ARMH1: variants seen among roughly 807,000 people sequenced by gnomAD.
ARMH1 encodes the protein armadillo-like helical domain containing protein 1.
ARMH1 carries 34 observed loss-of-function variants against 50.2 expected under a neutral mutation model. The observed-to-expected ratio is 0.68, with a 90% CI of 0.51 to 0.90. ARMH1 has a LOEUF of 0.90. ARMH1 is among the 40% of genes least tolerant of loss of function. The pLI is 0.00. For missense variants in ARMH1, 538 were observed against 553.9 expected, an observed-to-expected ratio of 0.97 and a Z score of 0.29; for synonymous variants, 221 against 224.2, an observed-to-expected ratio of 0.99 and a Z score of 0.13.
intron 6 of ARMH1, among the ~76,000 whole-genome samples, chr1:44,705,759 C>T (rs1043112927): frequency 6.6e-6 from 1 of 152,082 alleles, no homozygotes; most frequent in Non-Finnish European, 1.5e-5. Context: ...GATATAATTT[C>T]CTTCCCTTTC....
At chr1:44,720,739 AAAG>A (rs1373598917) in intron 6 of ARMH1, among the ~76,000 whole-genome samples, 2 of 152,148 alleles carry the variant, frequency 1.3e-5, no homozygotes, top group African/African-American at 2.4e-5. Context: ...ATAGCCAGAT[AAAG>A]AAGACTTCTC....
chr1:44,692,066 T>C (rs1321703), intron 2 of ARMH1, among the ~76,000 whole-genome samples: 5,866 of 152,222 alleles, frequency 0.039, 232 homozygotes, highest in Admixed American at 0.083. Context: ...TATATTTCTG[T>C]CCTTGCCTGA....
intron 6 of ARMH1, among the ~76,000 whole-genome samples, chr1:44,713,097 CTTTTT>C (rs538780455): frequency 1.7e-5 from 2 of 118,856 alleles, no homozygotes; most frequent in African/African-American, 3.2e-5. Flanking sequence ...TGCGCCCGGC[CTTTTT>C]TTTTTTTTTT....
chr1:44,695,222 G>C (rs1431593189), intron 2 of ARMH1, among the ~76,000 whole-genome samples: 1 of 152,204 alleles, frequency 6.6e-6, no homozygotes, highest in African/African-American at 2.4e-5. Flanking sequence ...TTATTGACCT[G>C]AGATTGTTAC....
Position 44,701,010 on chromosome 1 carries a change from A to C in ARMH1, c.530A>C (p.His177Pro), listed in dbSNP as rs1014296825. The change falls in exon 5 of 12, where the codon CAC becomes CCC. Residue 177 changes from histidine (H) to proline (P), a missense_variant. His to Pro is a moderately conservative substitution (Grantham distance 77, BLOSUM62 -2). Transcript: ENST00000535358. Reference sequence around the variant, plus strand: ...CAGGTTCTGTTGGATTCTTTGGTCCACGGCAATCCCAAGTACCAAAATCAA... The same window carrying C: ...CAGGTTCTGTTGGATTCTTTGGTCCCCGGCAATCCCAAGTACCAAAATCAA... ...EVQVLLDSLVHGNPKYQNQVY... is the reference protein window; with the variant it reads ...EVQVLLDSLVPGNPKYQNQVY... 22 of 1,551,576 alleles carry C rather than the reference A, an allele frequency of 1.4e-5. No homozygotes were observed. Among genetic ancestry groups the C allele is most frequent in the Non-Finnish European group, 1.8e-5 (21 of 1,147,014 alleles).
At position 44,724,593 on chromosome 1, in the gene ARMH1, G is replaced by A; in HGVS notation, c.975G>A (p.Val325=). Residue 325 remains valine, a synonymous_variant, in exon 9 of 12, where the codon GTG becomes GTA. Transcript: ENST00000535358. The surrounding 1 kb of genome is among the most constrained non-coding windows in gnomAD (Gnocchi z 6.4). ...CCGAGGAGCTGCTGTACCTGCGCGTGGTGCGTGGCCTAATGGCCGCCATGG... is the reference window on the plus strand; with the variant it reads ...CCGAGGAGCTGCTGTACCTGCGCGTAGTGCGTGGCCTAATGGCCGCCATGG... ...SIAEELLYLR[V]VRGLMAAMGN... is the part of the protein sequence containing the mutation. 6.6e-7 allele frequency: 1 copy of A among 1,518,336 alleles called. No individual in the cohort carries two copies. 94.1% of individuals were successfully genotyped at this position (1,518,336 alleles called of 1,614,324 possible).
intron 1 of ARMH1, 34 bp from the exon 2 acceptor site, chr1:44,689,642 T>C: frequency 1.4e-6 from 2 of 1,477,834 alleles, no homozygotes; most frequent in Non-Finnish European, 1.8e-6. Context: ...TTCTAAACAT[T>C]CCGGTAACCT....
At chr1:44,712,011 G>A (rs995432108) in intron 6 of ARMH1, among the ~76,000 whole-genome samples, 8 of 152,144 alleles carry the variant, frequency 5.3e-5, no homozygotes, top group African/African-American at 1.7e-4. Flanking sequence ...TGCCTCCTGC[G>A]CCCATCCCCT....
chr1:44,724,221 A>G lies in ARMH1; in HGVS notation c.824A>G (p.Lys275Arg). The change falls in exon 7 of 12, where the codon AAA becomes AGA. Residue 275 changes from lysine to arginine, a missense_variant. By Grantham distance (26) the Lys-to-Arg change is conservative. Transcript: ENST00000535358. This position sits in a 1 kb window ranked among gnomAD's most constrained non-coding sequence, Gnocchi z 6.4. ...ATACCGTCGGTCAAGGAGATCTCCAAACTGCAGGCCAAGATCCTCAGTGGT... is the reference window on the plus strand; with the variant it reads ...ATACCGTCGGTCAAGGAGATCTCCAGACTGCAGGCCAAGATCCTCAGTGGT... The part of the protein sequence containing the change: ...LLIPSVKEIS[K>R]LQAKILSDPS... 3 of 1,551,670 alleles carry G rather than the reference A, an allele frequency of 1.9e-6. No homozygotes were observed. Among genetic ancestry groups the G allele is most frequent in the Non-Finnish European group, 2.6e-6 (3 of 1,146,964 alleles).
rs551557977 is a variant in ARMH1, at chr1:44,681,787, A to G, written c.-23+6914A>G. Among the ~76,000 whole-genome samples the G allele has an allele frequency of 6.6e-6, 1 of 152,314 alleles. No homozygotes were observed. Among genetic ancestry groups the G allele is most frequent in the African/African-American group, 2.4e-5 (1 of 41,566 alleles). ...GAATAGATGGAAGAGGTGGGAAGGT[A>G]AGGAGCTTGGAATTGTAGACTTCAT... On this transcript the variant is annotated intron_variant, in intron 1 of 11. Coordinates refer to ENST00000535358, the MANE Select transcript of ARMH1 (RefSeq NM_001145636.2). The surrounding 1 kb of genome is among the most constrained non-coding windows in gnomAD (Gnocchi z 4.3).
chr1:44,696,615 G>A (rs1343786776), intron 2 of ARMH1, among the ~76,000 whole-genome samples: 2 of 152,234 alleles, frequency 1.3e-5, no homozygotes, highest in East Asian at 3.9e-4. Flanking sequence ...TTCTTATTAG[G>A]AAGCCAATTC....
chr1:44,714,879 G>T (rs142174475), intron 6 of ARMH1, among the ~76,000 whole-genome samples: 2 of 151,752 alleles, frequency 1.3e-5, no homozygotes, highest in East Asian at 1.9e-4. Flanking sequence ...GACTGTCCCC[G>T]GCCTTTTTTC....
intron 6 of ARMH1, among the ~76,000 whole-genome samples, chr1:44,717,113 T>A (rs1646885441): frequency 6.6e-6 from 1 of 152,164 alleles, no homozygotes; most frequent in Non-Finnish European, 1.5e-5. Context: ...CCTCCCAAAG[T>A]GCTGGGATTA....
chr1:44,683,970 C>T lies in ARMH1; in HGVS notation c.-22-5706C>T, dbSNP rs1174305381. Reference sequence around the variant, plus strand: ...GAGTTTGAGATCAGCCTAGGCAACACAGAGAGACCCCATCTCTATAAACAA... The same window carrying T: ...GAGTTTGAGATCAGCCTAGGCAACATAGAGAGACCCCATCTCTATAAACAA... On this transcript the variant is annotated intron_variant, in intron 1 of 11. Transcript: ENST00000535358. The surrounding 1 kb of genome is among the most constrained non-coding windows in gnomAD (Gnocchi z 4.2). Among the ~76,000 whole-genome samples the T allele has an allele frequency of 2.0e-5, 3 of 152,044 alleles. No homozygotes were observed. The highest frequency in any genetic ancestry group is 4.4e-5 in the Non-Finnish European group (3 of 68,010).
At chr1:44,711,817 G>A (rs1646626900) in intron 6 of ARMH1, among the ~76,000 whole-genome samples, 1 of 152,192 alleles carries the variant, frequency 6.6e-6, no homozygotes, top group Non-Finnish European at 1.5e-5. Flanking sequence ...AACAATGACT[G>A]TGTGCCCAGC....
intron 6 of ARMH1, among the ~76,000 whole-genome samples, chr1:44,707,784 A>G (rs1646409367): frequency 6.6e-6 from 1 of 152,246 alleles, no homozygotes. Context: ...GCTTCTTCCA[A>G]TATCGGCCTA....
intron 4 of ARMH1, 93 bp from the exon 5 acceptor site, chr1:44,700,830 A>C: frequency 8.6e-7 from 1 of 1,158,756 alleles, no homozygotes; most frequent in Non-Finnish European, 1.2e-6. Context: ...GCTTGGTTGA[A>C]GAGCTTTTAA....
chr1:44,724,245 G>A lies in ARMH1; in HGVS notation c.847+1G>A. The A allele has an allele frequency of 5.8e-6, 9 of 1,551,722 alleles. No homozygotes were observed. Among genetic ancestry groups the A allele is most frequent in the Non-Finnish European group, 7.8e-6 (9 of 1,146,984 alleles). ...AAACTGCAGGCCAAGATCCTCAGTG[G>A]TAAGGACCTGCTCAAATGGGGCTGC... On this transcript the variant is annotated splice_donor_variant, in intron 7 of 11. Coordinates refer to ENST00000535358, the MANE Select transcript of ARMH1 (RefSeq NM_001145636.2). LOFTEE classifies it high-confidence loss of function. The surrounding 1 kb of genome is among the most constrained non-coding windows in gnomAD (Gnocchi z 6.4).
At position 44,682,659 on chromosome 1, in the gene ARMH1, C is replaced by T. The variant is rs916230760; in HGVS notation, c.-22-7017C>T. Reference sequence around the variant, plus strand: ...CTCACATCAAAGCCTGGCCTGGTGGCTCACACCTGTAATCCCAGTACTTTG... The same window carrying T: ...CTCACATCAAAGCCTGGCCTGGTGGTTCACACCTGTAATCCCAGTACTTTG... On this transcript the variant is annotated intron_variant, in intron 1 of 11. Transcript: ENST00000535358. This position sits in a 1 kb window ranked among gnomAD's most constrained non-coding sequence, Gnocchi z 4.5. Among the ~76,000 whole-genome samples the T allele has an allele frequency of 8.5e-5, 13 of 152,188 alleles. No individual in the cohort carries two copies.
Sources: gnomAD v4.1 joint callset for allele counts (sites outside exome capture counted in the v4.1 genomes callset) on GRCh38, gnomAD v4.1.1 for gene constraint, Gnocchi (gnomAD v3.1) non-coding constraint, MANE v1.5 for transcripts, NCBI Gene and HGNC (gene_info 2026-07-23, HGNC 2026-07-21) for gene names.